Variants in NUGGC observed in about 807,000 individuals in gnomAD.
NUGGC encodes the protein nuclear GTPase, germinal center associated.
NUGGC carries 58 observed loss-of-function variants against 92.6 expected under a neutral mutation model. That is an observed-to-expected ratio of 0.63 (90% CI 0.51 to 0.78). The LOEUF is 0.78. Among genes scored for constraint, NUGGC ranks in the 30% least tolerant of loss-of-function variants. NUGGC has a pLI of 0.00. For missense variants in NUGGC, 925 were observed against 964.6 expected, an observed-to-expected ratio of 0.96 and a Z score of 0.54; for synonymous variants, 376 against 366.4, an observed-to-expected ratio of 1.03 and a Z score of -0.30.
chr8:28,064,283 C>T (rs1041315200), intron 7 of NUGGC, among the ~76,000 whole-genome samples: 5 of 152,240 alleles, frequency 3.3e-5, no homozygotes, highest in Non-Finnish European at 5.9e-5. Flanking sequence ...GCTGGTCTTT[C>T]TCATACATCA....
intron 1 of NUGGC, among the ~76,000 whole-genome samples, chr8:28,079,131 C>T (rs1399786793): frequency 3.3e-5 from 5 of 152,138 alleles, no homozygotes; most frequent in African/African-American, 9.7e-5. Context: ...TGCTTCTCTC[C>T]CCCTCCTTTT....
intron 13 of NUGGC, among the ~76,000 whole-genome samples, chr8:28,035,760 G>A (rs996129214): frequency 6.6e-6 from 1 of 152,224 alleles, no homozygotes; most frequent in East Asian, 1.9e-4. Context: ...GGGCCACTGT[G>A]GTGGCTGCCT....
intron 6 of NUGGC, among the ~76,000 whole-genome samples, chr8:28,067,260 T>C (rs1014456534): frequency 2.6e-5 from 4 of 152,198 alleles, no homozygotes; most frequent in Non-Finnish European, 4.4e-5. Flanking sequence ...GCCCAAACTA[T>C]CCCTAATTAT....
chr8:28,042,972 G>A (rs957080384), intron 12 of NUGGC, among the ~76,000 whole-genome samples: 16 of 152,178 alleles, frequency 1.1e-4, no homozygotes, highest in African/African-American at 1.4e-4. Context: ...GAGTAAATAC[G>A]TTTTAGAGTT....
intron 10 of NUGGC, among the ~76,000 whole-genome samples, chr8:28,049,582 AG>A (rs1360838857): frequency 1.3e-5 from 2 of 152,232 alleles, no homozygotes; most frequent in Non-Finnish European, 2.9e-5. Context: ...TCTAGTATAA[AG>A]GGTTCATATT....
intron 13 of NUGGC, among the ~76,000 whole-genome samples, chr8:28,040,263 G>C (rs906445302): frequency 6.6e-6 from 1 of 152,134 alleles, no homozygotes; most frequent in Non-Finnish European, 1.5e-5. Context: ...TCATCCTTCA[G>C]AAACTCTATA....
chr8:28,023,509 G>A (rs1809173363), intron 18 of NUGGC, 47 bp from the exon 19 acceptor site: 1 of 1,573,688 alleles, frequency 6.4e-7, no homozygotes, highest in Non-Finnish European at 8.6e-7. Context: ...GTCCGTTGCA[G>A]AAACGTCTCC....
At chr8:28,073,654 C>T (rs1437418306) in intron 2 of NUGGC, among the ~76,000 whole-genome samples, 1 of 152,120 alleles carries the variant, frequency 6.6e-6, no homozygotes, top group African/African-American at 2.4e-5. Context: ...GGAAGCCACC[C>T]GCACTGACTC....
At chr8:28,071,726 C>T (rs1181339538) in intron 2 of NUGGC, among the ~76,000 whole-genome samples, 1 of 152,130 alleles carries the variant, frequency 6.6e-6, no homozygotes, top group African/African-American at 2.4e-5. Flanking sequence ...TCATGTTTAC[C>T]TGGCTAGAAA....
chr8:28,054,568 G>A (rs974679438), intron 10 of NUGGC, among the ~76,000 whole-genome samples: 3 of 152,102 alleles, frequency 2.0e-5, no homozygotes, highest in African/African-American at 7.2e-5. Context: ...AAAAATAGGA[G>A]AACACTAAGT....
At chr8:28,076,054 C>T (rs1213930961) in intron 1 of NUGGC, among the ~76,000 whole-genome samples, 1 of 152,214 alleles carries the variant, frequency 6.6e-6, no homozygotes, top group African/African-American at 2.4e-5. Flanking sequence ...CACTCATTCC[C>T]CCCGTGTGTC....
rs749683460 is a variant in NUGGC, at chr8:28,064,558, G to T, written c.885C>A (p.Gly295=). The T allele has an allele frequency of 3.7e-6, 6 of 1,613,894 alleles. No homozygotes were observed. Among genetic ancestry groups the T allele is most frequent in the Non-Finnish European group, 4.2e-6 (5 of 1,179,910 alleles). The change falls in exon 7 of 19, where the codon GGC becomes GGA. Residue 295 remains glycine, a synonymous_variant. Transcript: ENST00000413272. Reference sequence around the variant, plus strand: ...TCTCGTCCCTCTTGCTGTTGAAGTCGCCTGTGCCTGGGATGTCCACCAGCA... The same window carrying T: ...TCTCGTCCCTCTTGCTGTTGAAGTCTCCTGTGCCTGGGATGTCCACCAGCA... ...GVVLVDIPGT[G]DFNSKRDEMW...
Position 28,029,280 on chromosome 8 carries a change from A to C in NUGGC, c.2140T>G (p.Phe714Val). The change falls in exon 17 of 19, where the codon TTT (phenylalanine) becomes GTT (valine). Residue 714 changes from phenylalanine to valine, a missense_variant. Phe to Val is a conservative substitution (Grantham distance 50, BLOSUM62 -1). Transcript: ENST00000413272. ...GCATAGAGTACCTTCAGCTGCTGAA[A>C]CTGGTGCTGCATCCTTTCCTGGGCC... ...ERAQERMQHQ[F>V]QQLKTGIVEK... The C allele has an allele frequency of 6.2e-7, 1 of 1,605,814 alleles. No homozygotes were observed. Among genetic ancestry groups the C allele is most frequent in the Non-Finnish European group, 8.5e-7 (1 of 1,176,220 alleles).
Position 28,058,249 on chromosome 8 carries a change from C to A in NUGGC, c.1116+9G>T. 2.0e-6 allele frequency: 1 copy of A among 496,636 alleles called. No individual in the cohort carries two copies. The highest frequency in any genetic ancestry group is 3.1e-6 in the Non-Finnish European group (1 of 318,712). The allele number at this position is 496,636 out of a possible 1,614,324, so 30.8% of individuals were successfully genotyped here. On this transcript the variant is annotated intron_variant, in intron 9 of 18. Coordinates refer to ENST00000413272, the MANE Select transcript of NUGGC (RefSeq NM_001010906.2). Reference sequence around the variant, plus strand: ...AAAATAAAAATAAAAAAAACTAGTTCATACTTACATTTCCTGCCTTTCTTT... The same window carrying A: ...AAAATAAAAATAAAAAAAACTAGTTAATACTTACATTTCCTGCCTTTCTTT...
chr8:28,076,167 T>C (rs1312209194), intron 1 of NUGGC, among the ~76,000 whole-genome samples: 1 of 152,160 alleles, frequency 6.6e-6, no homozygotes, highest in African/African-American at 2.4e-5. Flanking sequence ...TTTTTTTCAG[T>C]GGTGCATTTC....
intron 7 of NUGGC, among the ~76,000 whole-genome samples, chr8:28,061,223 C>T (rs552422883): frequency 2.3e-4 from 35 of 152,342 alleles, no homozygotes; most frequent in Admixed American, 6.5e-4. Context: ...TGCCCCTGCA[C>T]GTTTAGTTCA....
At position 28,023,241 on chromosome 8, in the gene NUGGC, C is replaced by G; in HGVS notation, c.*76G>C. ...CAACAGAGGTAGATAGATCTTGTCT[C>G]TTAAGAACAAAAAAAGTAATTCTAA... On this transcript the variant is annotated 3_prime_UTR_variant, in exon 19 of 19. Coordinates refer to ENST00000413272, the MANE Select transcript of NUGGC (RefSeq NM_001010906.2). 6.7e-7 allele frequency: 1 copy of G among 1,485,146 alleles called. No individual in the cohort carries two copies. The highest frequency in any genetic ancestry group is 9.0e-7 in the Non-Finnish European group (1 of 1,105,012). 92.0% of individuals were successfully genotyped at this position (1,485,146 alleles called of 1,614,324 possible).
At chr8:28,062,391 G>A (rs1810328302) in intron 7 of NUGGC, among the ~76,000 whole-genome samples, 1 of 152,080 alleles carries the variant, frequency 6.6e-6, no homozygotes, top group South Asian at 2.1e-4. Flanking sequence ...GGCTAAAGCA[G>A]GCAGATCACT....
intron 1 of NUGGC, among the ~76,000 whole-genome samples, chr8:28,081,143 ACCCTG>A (rs1043301872): frequency 3.9e-5 from 6 of 151,984 alleles, no homozygotes; most frequent in Admixed American, 1.3e-4. Flanking sequence ...ACATGGTGAA[ACCCTG>A]TCTCTACTAA....
Sources: allele counts gnomAD v4.1 joint callset (sites outside exome capture counted in the v4.1 genomes callset), GRCh38; gene constraint gnomAD v4.1.1; transcripts MANE v1.5; gene names NCBI Gene and HGNC (gene_info 2026-07-23, HGNC 2026-07-21).